Variants in LYST observed in about 807,000 individuals in gnomAD.
The protein encoded by LYST is lysosomal trafficking regulator, also known as lysosomal-trafficking regulator.
LYST carries 192 observed loss-of-function variants against 413.6 expected under a neutral mutation model. That is an observed-to-expected ratio of 0.46 (90% CI 0.41 to 0.52). The LOEUF (loss-of-function observed/expected upper bound fraction) is 0.52. Ranked by LOEUF, LYST falls within the 20% of genes least tolerant of loss-of-function variation. The probability of loss-of-function intolerance (pLI) is 0.00; values close to 1 mark genes in which losing one functional copy is unlikely to be tolerated. For synonymous variants in LYST, 1,525 were observed against 1,567.3 expected, an observed-to-expected ratio of 0.97 and a Z score of 0.64; for missense variants, 3,815 against 4,499.9, an observed-to-expected ratio of 0.85 and a Z score of 4.35.
In LYST at chr1:235,743,989, T is replaced by C. The variant is rs1225753729; in HGVS notation, c.8141A>G (p.Lys2714Arg). ...EIFTYLVEGFKVSIGSSKASG... is the reference protein window; with the variant it reads ...EIFTYLVEGFRVSIGSSKASG... ...AATTAATTTACTTACAATAGATACT[T>C]TGAATCCTTCTACCAGATATGTAAA... Residue 2714 changes from lysine (K) to arginine (R), a missense_variant, in exon 30 of 53, where the codon AAA (lysine) becomes AGA (arginine). Lys to Arg is a conservative substitution (Grantham distance 26). Coordinates refer to ENST00000389793, the MANE Select transcript of LYST (RefSeq NM_000081.4). The C allele has an allele frequency of 1.4e-6, 2 of 1,445,720 alleles. No individual in the cohort carries two copies. Among genetic ancestry groups the C allele is most frequent in the East Asian group, 2.3e-5 (1 of 43,946 alleles). 89.6% of individuals were successfully genotyped at this position (1,445,720 alleles called of 1,614,324 possible).
At chr1:235,853,142 TTTG>T (rs1411061358) in intron 1 of LYST, 1 of 170,256 alleles carries the variant, frequency 5.9e-6, no homozygotes, top group East Asian at 1.9e-4. Context: ...GTTTTACAGC[TTTG>T]TTATCTTTTT....
intron 1 of LYST, among the ~76,000 whole-genome samples, chr1:235,878,083 G>T (rs751192896): frequency 6.6e-6 from 1 of 152,180 alleles, no homozygotes; most frequent in African/African-American, 2.4e-5. Flanking sequence ...ACATGTCTGG[G>T]CCCACTTAAT....
chr1:235,798,578 T>TAAAAAAAAAAA (rs71174462), intron 10 of LYST, among the ~76,000 whole-genome samples: 4 of 81,712 alleles, frequency 4.9e-5, no homozygotes, highest in Non-Finnish European at 9.7e-5. Flanking sequence ...AACCCTGTCA[T>TAAAAAAAAAAA]AAAAAAAAAA....
intron 1 of LYST, among the ~76,000 whole-genome samples, chr1:235,842,104 T>C (rs1048283899): frequency 6.6e-6 from 1 of 152,026 alleles, no homozygotes; most frequent in Admixed American, 6.5e-5. Flanking sequence ...ATCACTGATC[T>C]GGAAATGGGA....
Position 235,716,761 on chromosome 1 carries a change from A to C in LYST, c.9578T>G (p.Ile3193Arg). The change falls in exon 41 of 53, where the codon ATA becomes AGA. Residue 3193 changes from isoleucine (I) to arginine (R), a missense_variant. Transcript: ENST00000389793. ...TTCTTTTTCTTTATACTGAACAGCT[A>C]TAGGTTTAGAGAGATTTCTGCAAGA... ...LLIYRNLSKP[I>R]AVQYKEKEDR... The C allele has an allele frequency of 1.9e-6, 3 of 1,588,304 alleles. No individual in the cohort carries two copies. The highest frequency in any genetic ancestry group is 2.6e-6 in the Non-Finnish European group (3 of 1,157,018).
At chr1:235,722,735 C>T (rs549200605) in intron 39 of LYST, among the ~76,000 whole-genome samples, 8 of 152,266 alleles carry the variant, frequency 5.3e-5, no homozygotes, top group Middle Eastern at 3.4e-3. Flanking sequence ...CTGCCCGCCT[C>T]GGCCTCCCAA....
intron 13 of LYST, among the ~76,000 whole-genome samples, chr1:235,788,266 A>C (rs2103508999): frequency 6.6e-6 from 1 of 152,032 alleles, no homozygotes; most frequent in South Asian, 2.1e-4. Context: ...TTCAAGTGAT[A>C]CTCCTGCTTC....
intron 50 of LYST, among the ~76,000 whole-genome samples, chr1:235,669,639 T>C (rs572831465): frequency 6.6e-6 from 1 of 152,372 alleles, no homozygotes; most frequent in East Asian, 1.9e-4. Context: ...TACCACTTCA[T>C]TCACATGACG....
intron 1 of LYST, among the ~76,000 whole-genome samples, chr1:235,839,085 A>G (rs1440213629): frequency 6.6e-6 from 1 of 151,738 alleles, no homozygotes; most frequent in South Asian, 2.1e-4. Context: ...TTGACTTCCC[A>G]AAGTGTTGGG....
intron 19 of LYST, among the ~76,000 whole-genome samples, chr1:235,773,248 G>A (rs115009332): frequency 0.031 from 4,685 of 152,042 alleles, 109 homozygotes; most frequent in Non-Finnish European, 0.043. Flanking sequence ...GAGCCTGGGG[G>A]TGGAGGTTGC....
chr1:235,689,920 C>T (rs1660520236), intron 47 of LYST, among the ~76,000 whole-genome samples: 1 of 152,156 alleles, frequency 6.6e-6, no homozygotes, highest in Non-Finnish European at 1.5e-5. Context: ...AAATGCTTGT[C>T]TTTGTACTGG....
At chr1:235,736,777 T>C (rs1664857696) in intron 31 of LYST, 1 of 152,080 alleles carries the variant, frequency 6.6e-6, no homozygotes, top group East Asian at 1.9e-4. Context: ...TTCTTTGTGT[T>C]ATGAAGTAGG....
At chr1:235,688,859 C>T (rs969873146) in intron 47 of LYST, among the ~76,000 whole-genome samples, 2 of 152,028 alleles carry the variant, frequency 1.3e-5, no homozygotes, top group Admixed American at 6.6e-5. Context: ...GTGGCACGCA[C>T]CTGTAGTCCC....
Position 235,771,612 on chromosome 1 carries a change from T to A in LYST, c.5785-1315A>T, listed in dbSNP as rs567595682. Among the ~76,000 whole-genome samples, 46 of 152,182 alleles carry A rather than the reference T, an allele frequency of 3.0e-4. No individual in the cohort carries two copies. The East Asian group carries it at 7.5e-3, about 25-fold the overall frequency. ...ATCTATCTTATCTTTTTTTTTTAGATCTGAAAGTATATATTTATTCAGAGT... is the reference window on the plus strand; with the variant it reads ...ATCTATCTTATCTTTTTTTTTTAGAACTGAAAGTATATATTTATTCAGAGT... On this transcript the variant is annotated intron_variant, in intron 19 of 52. Coordinates refer to ENST00000389793, the MANE Select transcript of LYST (RefSeq NM_000081.4).
chr1:235,714,163 C>T (rs1222376580), intron 42 of LYST, among the ~76,000 whole-genome samples: 2 of 152,124 alleles, frequency 1.3e-5, no homozygotes, highest in East Asian at 1.9e-4. Flanking sequence ...GGCTTGGAAA[C>T]CACAGCAAAC....
intron 17 of LYST, among the ~76,000 whole-genome samples, chr1:235,776,192 A>G (rs1002458662): frequency 6.6e-6 from 1 of 152,188 alleles, no homozygotes; most frequent in Non-Finnish European, 1.5e-5. Context: ...ACTAGACACT[A>G]GATTAAAAAA....
At chr1:235,705,238 T>C (rs1223360425) in intron 44 of LYST, among the ~76,000 whole-genome samples, 2 of 152,218 alleles carry the variant, frequency 1.3e-5, no homozygotes, top group African/African-American at 4.8e-5. Flanking sequence ...CGCCATACTT[T>C]GTTTTGCCCC....
chr1:235,705,853 A>G (rs1468217497), intron 44 of LYST, among the ~76,000 whole-genome samples: 2 of 152,042 alleles, frequency 1.3e-5, no homozygotes, highest in African/African-American at 4.8e-5. Context: ...GTGCAGTGGC[A>G]TGATCTTGGC....
intron 1 of LYST, among the ~76,000 whole-genome samples, chr1:235,862,363 A>G (rs115463062): frequency 0.029 from 4,349 of 152,342 alleles, 102 homozygotes; most frequent in Non-Finnish European, 0.04. Flanking sequence ...AAAATATTAA[A>G]TGGAAAATTC....
Sources: allele counts gnomAD v4.1 joint callset (sites outside exome capture counted in the v4.1 genomes callset), GRCh38; gene constraint gnomAD v4.1.1; transcripts MANE v1.5; gene names NCBI Gene and HGNC (gene_info 2026-07-23, HGNC 2026-07-21).